NELL1: variants seen among roughly 807,000 people sequenced by gnomAD.
NELL1 encodes the protein protein kinase C-binding protein NELL1.
NELL1 carries 76 observed loss-of-function variants against 107.4 expected under a neutral mutation model. The ratio of observed to expected loss-of-function variants is 0.71; its 90% CI spans 0.59 to 0.86. NELL1 has a LOEUF of 0.86. Among genes scored for constraint, NELL1 ranks in the 40% least tolerant of loss-of-function variants. NELL1 has a pLI of 0.00. For synonymous variants in NELL1, 353 were observed against 341.2 expected (o/e 1.03, Z -0.38); for missense variants, 1,024 against 1,005.5 (o/e 1.02, Z -0.25).
intron 13 of NELL1, among the ~76,000 whole-genome samples, chr11:21,211,544 G>T (rs568704178): frequency 6.6e-6 from 1 of 152,284 alleles, no homozygotes; most frequent in East Asian, 1.9e-4. Flanking sequence ...ATTCCTAAAA[G>T]ATTGCTGTAA....
rs1219115928 is a variant in NELL1, at chr11:20,963,223, C to G, written c.1300+2663C>G. On this transcript the variant is annotated intron_variant, in intron 12 of 19. Coordinates refer to ENST00000357134, the MANE Select transcript of NELL1 (RefSeq NM_006157.5). ...GTGTGAGGTTCTGTCATTTTATGCT[C>G]AAAGAAAGTCCTTCGTAGAAAGTCA... is the stretch of plus-strand genomic sequence containing the variant. 2.6e-5 allele frequency among the ~76,000 whole-genome samples: 4 copies of G among 152,088 alleles called. No homozygotes were observed. The East Asian group carries it at 7.7e-4, about 29-fold the overall frequency.
At chr11:20,678,114 C>G in intron 2 of NELL1, 54 bp downstream of exon 2, 2 of 1,595,030 alleles carry the variant, frequency 1.3e-6, no homozygotes, top group Non-Finnish European at 1.7e-6. Flanking sequence ...GAGGGTCTGT[C>G]TGGGGAGTGC....
At chr11:20,865,604 G>A in intron 4 of NELL1, among the ~76,000 whole-genome samples, 1 of 152,182 alleles carries the variant, frequency 6.6e-6, no homozygotes, top group East Asian at 1.9e-4. Context: ...AAGGGAGGAG[G>A]AGAAGGTATC....
At chr11:21,367,197 T>C (rs768249329) in intron 14 of NELL1, among the ~76,000 whole-genome samples, 23 of 151,784 alleles carry the variant, frequency 1.5e-4, no homozygotes, top group Non-Finnish European at 2.6e-4. Context: ...CAATCTAACA[T>C]CTCCTCCAGT....
intron 15 of NELL1, among the ~76,000 whole-genome samples, chr11:21,442,669 A>C (rs541484905): frequency 6.6e-6 from 1 of 152,174 alleles, no homozygotes; most frequent in African/African-American, 2.4e-5. Flanking sequence ...GGTTCTGTAG[A>C]TGCAGCTCAC....
chr11:21,122,614 C>A (rs919444586), intron 13 of NELL1, among the ~76,000 whole-genome samples: 45 of 152,072 alleles, frequency 3.0e-4, no homozygotes, highest in African/African-American at 1.1e-3. Flanking sequence ...TATAAATTCT[C>A]ATGGTTAAAG....
chr11:21,523,330 T>G (rs1210879623), intron 15 of NELL1, among the ~76,000 whole-genome samples: 1 of 152,306 alleles, frequency 6.6e-6, no homozygotes, highest in Non-Finnish European at 1.5e-5. Context: ...TGCCTTTAAG[T>G]GTTTAATAAA....
chr11:21,301,322 T>C (rs1407175190), intron 14 of NELL1, among the ~76,000 whole-genome samples: 1 of 152,182 alleles, frequency 6.6e-6, no homozygotes, highest in African/African-American at 2.4e-5. Flanking sequence ...ATCGCCACAC[T>C]GTCTTCCACA....
At chr11:21,530,885 C>A (rs1324568578) in intron 15 of NELL1, among the ~76,000 whole-genome samples, 2 of 152,058 alleles carry the variant, frequency 1.3e-5, no homozygotes, top group Admixed American at 6.6e-5. Flanking sequence ...ATCTACCAGT[C>A]ATTTATTTTT....
chr11:21,309,017 C>T (rs893408299), intron 14 of NELL1, among the ~76,000 whole-genome samples: 7 of 151,192 alleles, frequency 4.6e-5, no homozygotes, highest in Admixed American at 1.3e-4. Flanking sequence ...TTTTGGGAAA[C>T]ACTTATTTGA....
chr11:21,386,836 A>G (rs1408850974), intron 15 of NELL1, among the ~76,000 whole-genome samples: 2 of 151,900 alleles, frequency 1.3e-5, no homozygotes, highest in South Asian at 2.1e-4. Flanking sequence ...CACAGTACCA[A>G]TACTTCCCTA....
At chr11:21,478,669 T>TAG (rs1854410276) in intron 15 of NELL1, among the ~76,000 whole-genome samples, 1 of 148,918 alleles carries the variant, frequency 6.7e-6, no homozygotes, top group Admixed American at 6.7e-5. Flanking sequence ...AAAGTAAAAT[T>TAG]AGAGAAATGG....
chr11:20,881,036 G>A (rs1298127821), intron 4 of NELL1, among the ~76,000 whole-genome samples: 1 of 152,226 alleles, frequency 6.6e-6, no homozygotes, highest in Non-Finnish European at 1.5e-5. Flanking sequence ...GTGTAGTAGA[G>A]CTGTGAATCT....
At chr11:21,556,080 A>C (rs928150900) in intron 16 of NELL1, among the ~76,000 whole-genome samples, 3 of 151,914 alleles carry the variant, frequency 2.0e-5, no homozygotes, top group African/African-American at 7.2e-5. Context: ...ATTTTCCCCC[A>C]TAATTTTCTC....
intron 14 of NELL1, among the ~76,000 whole-genome samples, chr11:21,337,770 T>TTCTTTCTC: frequency 6.9e-6 from 1 of 145,054 alleles, no homozygotes. Flanking sequence ...CTTTCTTTCT[T>TTCTTTCTC]TCTTTCTTTC....
chr11:21,422,101 G>A (rs1265173870), intron 15 of NELL1, among the ~76,000 whole-genome samples: 5 of 59,144 alleles, frequency 8.5e-5, no homozygotes, highest in African/African-American at 1.2e-4. Context: ...ACATATGTGT[G>A]TGTGTGTGTG....
At chr11:20,882,104 G>C (rs918150577) in intron 4 of NELL1, among the ~76,000 whole-genome samples, 5 of 152,330 alleles carry the variant, frequency 3.3e-5, no homozygotes, top group Non-Finnish European at 5.9e-5. Flanking sequence ...CACCCAAACT[G>C]TCCCTCAGGG....
intron 15 of NELL1, among the ~76,000 whole-genome samples, chr11:21,390,284 A>G (rs1394450205): frequency 6.6e-6 from 1 of 151,472 alleles, no homozygotes; most frequent in Non-Finnish European, 1.5e-5. Flanking sequence ...AAAGTCAAAT[A>G]GTTCTATAAG....
At position 20,831,992 on chromosome 11, in the gene NELL1, G is replaced by A. The variant is rs533979429; in HGVS notation, c.336-15591G>A. Reference sequence around the variant, plus strand: ...AGGAGGGAACAGGGAATTCAGCGTAGGGGGTGGGAATGTTTAGTCATTATT... The same window carrying A: ...AGGAGGGAACAGGGAATTCAGCGTAAGGGGTGGGAATGTTTAGTCATTATT... On this transcript the variant is annotated intron_variant, in intron 3 of 19. Coordinates refer to ENST00000357134, the MANE Select transcript of NELL1 (RefSeq NM_006157.5). 1.5e-3 allele frequency among the ~76,000 whole-genome samples: 225 copies of A among 152,344 alleles called. 1 individual carries two copies. The highest frequency in any genetic ancestry group is 5.3e-3 in the African/African-American group (222 of 41,580).
Sources: gnomAD v4.1 joint callset for allele counts (sites outside exome capture counted in the v4.1 genomes callset) on GRCh38, gnomAD v4.1.1 for gene constraint, MANE v1.5 for transcripts, NCBI Gene and HGNC (gene_info 2026-07-23, HGNC 2026-07-21) for gene names.